The following COL5A2 variants were observed in gnomAD, a reference collection of about 807,000 sequenced individuals.
COL5A2 encodes the protein collagen alpha-2(V) chain.
In COL5A2, 23 loss-of-function variants were observed where a neutral mutation model predicts 208.2. That is an observed-to-expected ratio of 0.11 (90% CI 0.08 to 0.16). The LOEUF (loss-of-function observed/expected upper bound fraction) is 0.16, where lower values mean the gene tolerates loss of function less well. Among genes scored for constraint, COL5A2 ranks in the 10% least tolerant of loss-of-function variants. The pLI is 1.00. For synonymous variants in COL5A2, 625 were observed against 628.5 expected, an observed-to-expected ratio of 0.99 and a Z score of 0.08; for missense variants, 1,590 against 1,956.4, an observed-to-expected ratio of 0.81 and a Z score of 3.53.
chr2:189,054,890 T>A (rs1403046155), intron 35 of COL5A2, among the ~76,000 whole-genome samples: 1 of 151,104 alleles, frequency 6.6e-6, no homozygotes, highest in Non-Finnish European at 1.5e-5. Context: ...TTTCTTCATT[T>A]TTTTTTTTTT....
the COL5A2 span, among the ~76,000 whole-genome samples, chr2:189,401,435 T>C: frequency 6.6e-6 from 1 of 152,234 alleles, no homozygotes; most frequent in African/African-American, 2.4e-5. Context: ...ATGGCATATA[T>C]GTACTACATT....
At chr2:189,171,448 G>A (rs1688572143) in intron 1 of COL5A2, among the ~76,000 whole-genome samples, 1 of 152,170 alleles carries the variant, frequency 6.6e-6, no homozygotes, top group African/African-American at 2.4e-5. Flanking sequence ...TAGATGATGA[G>A]GGCCTAAACT....
At chr2:189,320,127 A>C in the COL5A2 span, among the ~76,000 whole-genome samples, 1 of 152,246 alleles carries the variant, frequency 6.6e-6, no homozygotes, top group Non-Finnish European at 1.5e-5. Flanking sequence ...AGGAAAACTA[A>C]CAAACAGAAA....
At chr2:189,104,167 T>C (rs1431373037) in intron 3 of COL5A2, 97 bp downstream of exon 3, 1 of 904,030 alleles carries the variant, frequency 1.1e-6, no homozygotes, top group Non-Finnish European at 1.9e-6. Context: ...CTTTGTACTT[T>C]TCAAAAGCTT....
intron 7 of COL5A2, among the ~76,000 whole-genome samples, chr2:189,091,350 C>T (rs574187775): frequency 4.2e-4 from 64 of 152,298 alleles, no homozygotes; most frequent in African/African-American, 1.5e-3. Context: ...GGTGAAGATA[C>T]TGTGAAGATT....
At chr2:189,231,592 C>T in the COL5A2 span, among the ~76,000 whole-genome samples, 1 of 151,580 alleles carries the variant, frequency 6.6e-6, no homozygotes, top group Non-Finnish European at 1.5e-5. Flanking sequence ...AGCCTGACCC[C>T]CCAGCTTGAG....
chr2:189,338,700 T>A, the COL5A2 span, among the ~76,000 whole-genome samples: 5 of 147,966 alleles, frequency 3.4e-5, no homozygotes. Flanking sequence ...AATTATTATT[T>A]TATATTATAA....
chr2:189,395,690 G>C, the COL5A2 span, among the ~76,000 whole-genome samples: 1 of 151,798 alleles, frequency 6.6e-6, no homozygotes, highest in East Asian at 1.9e-4. Context: ...GGTCACTTGA[G>C]GTCAGGAGTT....
the COL5A2 span, among the ~76,000 whole-genome samples, chr2:189,366,043 A>G: frequency 1.3e-5 from 2 of 152,098 alleles, no homozygotes; most frequent in South Asian, 2.1e-4. Context: ...GTCCTATATT[A>G]TTTGCAATCA....
the COL5A2 span, among the ~76,000 whole-genome samples, chr2:189,327,072 AAATAATAATAAT>A: frequency 6.7e-6 from 1 of 148,228 alleles, no homozygotes; most frequent in African/African-American, 2.5e-5. Context: ...TTCTGTCTCG[AAATAATAATAAT>A]AATAATAATA....
chr2:189,300,048 A>G, the COL5A2 span, among the ~76,000 whole-genome samples: 1 of 152,182 alleles, frequency 6.6e-6, no homozygotes. Context: ...ATTCCATAGT[A>G]TGCATCAATC....
chr2:189,039,613 C>T, intron 50 of COL5A2, 50 bp from the exon 51 acceptor site: 1 of 1,574,704 alleles, frequency 6.4e-7, no homozygotes, highest in Non-Finnish European at 8.6e-7. Flanking sequence ...TTTTGTTTTA[C>T]TTAACTGGTA....
At chr2:189,414,945 A>T in the COL5A2 span, among the ~76,000 whole-genome samples, 1 of 152,136 alleles carries the variant, frequency 6.6e-6, no homozygotes, top group Non-Finnish European at 1.5e-5. Context: ...TCCAAATATT[A>T]GAATTAAATA....
At chr2:189,322,543 A>G in the COL5A2 span, among the ~76,000 whole-genome samples, 1 of 152,236 alleles carries the variant, frequency 6.6e-6, no homozygotes, top group Non-Finnish European at 1.5e-5. Flanking sequence ...AGAATACTAT[A>G]AACACCTCTA....
chr2:189,120,818 G>T (rs1464919141), intron 1 of COL5A2, among the ~76,000 whole-genome samples: 1 of 152,140 alleles, frequency 6.6e-6, no homozygotes, highest in Non-Finnish European at 1.5e-5. Context: ...GTATGTTTTA[G>T]TCTTCCAACA....
the COL5A2 span, among the ~76,000 whole-genome samples, chr2:189,346,191 G>C: frequency 6.6e-6 from 1 of 152,144 alleles, no homozygotes; most frequent in Non-Finnish European, 1.5e-5. Flanking sequence ...AAGAAAATTG[G>C]ATTGGGGTCC....
At chr2:189,409,204 CTTTTTTTTTTTT>C in the COL5A2 span, among the ~76,000 whole-genome samples, 1 of 92,084 alleles carries the variant, frequency 1.1e-5, no homozygotes, top group East Asian at 3.5e-4. Context: ...TAAATTTACT[CTTTTTTTTTTTT>C]TTTTTTTTTT....
chr2:189,436,876 A>G, the COL5A2 span, among the ~76,000 whole-genome samples: 1 of 152,200 alleles, frequency 6.6e-6, no homozygotes, highest in Admixed American at 6.5e-5. Context: ...GAGGGAGAGC[A>G]TCAGGAAGAA....
the COL5A2 span, among the ~76,000 whole-genome samples, chr2:189,370,217 T>C: frequency 6.6e-6 from 1 of 152,158 alleles, no homozygotes; most frequent in African/African-American, 2.4e-5. Context: ...GAAAGAGCAA[T>C]GAGTTATGAA....
Sources: gnomAD v4.1 joint callset for allele counts (sites outside exome capture counted in the v4.1 genomes callset) on GRCh38, gnomAD v4.1.1 for gene constraint, MANE v1.5 for transcripts, NCBI Gene and HGNC (gene_info 2026-07-23, HGNC 2026-07-21) for gene names.